Variants in VRK1 observed in about 807,000 individuals in gnomAD.
VRK1 encodes VRK serine/threonine kinase 1, also known as serine/threonine-protein kinase VRK1.
In VRK1, 33 loss-of-function variants were observed where a neutral mutation model predicts 57.1. That is an observed-to-expected ratio of 0.58 (90% CI 0.44 to 0.77). The LOEUF is 0.77. VRK1 is among the 30% of genes least tolerant of loss of function. VRK1 has a pLI of 0.00. For synonymous variants in VRK1, 137 were observed against 147.8 expected, an observed-to-expected ratio of 0.93 and a Z score of 0.53; for missense variants, 413 against 477.3, an observed-to-expected ratio of 0.87 and a Z score of 1.25.
At chr14:96,871,544 A>G (rs971980788) in intron 11 of VRK1, among the ~76,000 whole-genome samples, 2 of 152,238 alleles carry the variant, frequency 1.3e-5, no homozygotes, top group Non-Finnish European at 2.9e-5. Flanking sequence ...AGTTGCAGAA[A>G]TTAAACGTGT....
Position 96,881,589 on chromosome 14 carries a change from CTT to C in VRK1, c.*384_*385del, listed in dbSNP as rs1032502024. On this transcript the variant is annotated 3_prime_UTR_variant, in exon 13 of 13. Transcript: ENST00000216639. ...AATGCAAAGCTTAAAATAAAACTCTCTTTTGTTTGATGCAAACACACAGTATG... is the reference window on the plus strand; with the variant it reads ...AATGCAAAGCTTAAAATAAAACTCTCTTGTTTGATGCAAACACACAGTATG... The C allele has an allele frequency of 2.3e-5, 4 of 173,082 alleles. No homozygotes were observed. Among genetic ancestry groups the C allele is most frequent in the African/African-American group, 9.6e-5 (4 of 41,786 alleles). 10.7% of individuals were successfully genotyped at this position (173,082 alleles called of 1,614,324 possible).
At chr14:96,814,374 G>A (rs921262215) in intron 1 of VRK1, among the ~76,000 whole-genome samples, 3 of 152,128 alleles carry the variant, frequency 2.0e-5, no homozygotes, top group Non-Finnish European at 4.4e-5. Flanking sequence ...AGTTGACAGG[G>A]CTGACTGTGT....
intron 2 of VRK1, among the ~76,000 whole-genome samples, chr14:96,836,026 T>G (rs1000255980): frequency 6.6e-6 from 1 of 152,222 alleles, no homozygotes; most frequent in Non-Finnish European, 1.5e-5. Context: ...AAGTCCCTTC[T>G]TATACAACGT....
rs376222681 is a variant in VRK1 at position 96,799,576 on chromosome 14, A to G, written c.-6+2129A>G. On this transcript the variant is annotated intron_variant, in intron 1 of 12. Coordinates refer to ENST00000216639, the MANE Select transcript of VRK1 (RefSeq NM_003384.3). ...GAAGCGAAGCTTTAAGATTTACCTT[A>G]TATCAAATGAAGGATGTCTCCTGAA... Among the ~76,000 whole-genome samples, 84 of 152,380 alleles carry G rather than the reference A, an allele frequency of 5.5e-4. 1 individual carries two copies. In the Middle Eastern group the frequency reaches 0.01, roughly 19 times the overall value.
At chr14:96,828,372 G>A (rs1388142209) in intron 1 of VRK1, among the ~76,000 whole-genome samples, 2 of 152,160 alleles carry the variant, frequency 1.3e-5, no homozygotes, top group African/African-American at 4.8e-5. Context: ...TGTAGTGTCA[G>A]ACTTTTGCAG....
intron 5 of VRK1, among the ~76,000 whole-genome samples, chr14:96,848,820 A>G (rs948150711): frequency 1.3e-5 from 2 of 152,344 alleles, no homozygotes; most frequent in African/African-American, 2.4e-5. Flanking sequence ...GTATAAAGCT[A>G]CAAGAGTATA....
At chr14:96,867,456 AGTGTGTGT>A (rs34415863) in intron 11 of VRK1, among the ~76,000 whole-genome samples, 2,469 of 148,470 alleles carry the variant, frequency 0.017, 32 homozygotes, top group African/African-American at 0.04. Flanking sequence ...TCTGTGCACA[AGTGTGTGT>A]GTGTGTGTGT....
At chr14:96,801,210 A>G (rs1193353578) in intron 1 of VRK1, among the ~76,000 whole-genome samples, 1 of 152,202 alleles carries the variant, frequency 6.6e-6, no homozygotes, top group Non-Finnish European at 1.5e-5. Context: ...ATTGTCATTT[A>G]TATCTAAAAT....
At chr14:96,822,076 C>T (rs1371439763) in intron 1 of VRK1, among the ~76,000 whole-genome samples, 2 of 127,540 alleles carry the variant, frequency 1.6e-5, no homozygotes, top group African/African-American at 2.6e-5. Context: ...CTCCCTGTCC[C>T]TGCCTTTTTT....
At chr14:96,822,057 C>T (rs1214137708) in intron 1 of VRK1, among the ~76,000 whole-genome samples, 7 of 147,980 alleles carry the variant, frequency 4.7e-5, no homozygotes, top group Admixed American at 1.4e-4. Flanking sequence ...CATTCCCTCC[C>T]GCCCCCAACT....
intron 1 of VRK1, among the ~76,000 whole-genome samples, chr14:96,827,103 AGG>A (rs1886825658): frequency 6.7e-6 from 1 of 149,608 alleles, no homozygotes; most frequent in South Asian, 2.2e-4. Flanking sequence ...GTTGGCAGGC[AGG>A]GGCACTAGGG....
chr14:96,813,803 A>C (rs1886294559), intron 1 of VRK1, among the ~76,000 whole-genome samples: 1 of 152,142 alleles, frequency 6.6e-6, no homozygotes, highest in African/African-American at 2.4e-5. Flanking sequence ...ATTCTGCAGT[A>C]TGTGCTCTCT....
chr14:96,879,096 A>G (rs1566723581), intron 12 of VRK1, among the ~76,000 whole-genome samples: 4 of 151,914 alleles, frequency 2.6e-5, no homozygotes, highest in Non-Finnish European at 2.9e-5. Flanking sequence ...TTTTTTTCCT[A>G]CTGCATTATA....
intron 3 of VRK1, among the ~76,000 whole-genome samples, chr14:96,841,683 C>A (rs914235999): frequency 2.0e-5 from 3 of 151,770 alleles, no homozygotes; most frequent in Non-Finnish European, 4.4e-5. Context: ...CATGGTGAAA[C>A]CCCTAGCCAG....
intron 3 of VRK1, among the ~76,000 whole-genome samples, chr14:96,844,807 G>T (rs757777500): frequency 8.5e-5 from 13 of 152,200 alleles, no homozygotes; most frequent in Admixed American, 2.0e-4. Context: ...CTCCCAAAGT[G>T]CTGGGATGAC....
Position 96,840,886 on chromosome 14 carries a change from C to A in VRK1, c.216+3069C>A, listed in dbSNP as rs557003440. On this transcript the variant is annotated intron_variant, in intron 3 of 12. Coordinates refer to ENST00000216639, the MANE Select transcript of VRK1 (RefSeq NM_003384.3). ...TTTTTTTTTTTTTGAGACAGTGTCT[C>A]ATCCTGTTGCCTGGGCTGGAGTGCA... Among the ~76,000 whole-genome samples the A allele has an allele frequency of 2.7e-3, 398 of 148,422 alleles. 4 individuals carry two copies. The Middle Eastern group carries it at 0.043, about 16-fold the overall frequency.
chr14:96,852,899 G>C lies in VRK1; in HGVS notation c.443G>C (p.Arg148Thr). The change falls in exon 6 of 13, where the codon AGG (arginine) becomes ACG (threonine). Residue 148 changes from arginine (R) to threonine (T), a missense_variant. This residue lies in a region of VRK1 where 151 missense variants were observed against 225.5 expected (regional missense o/e 0.67). Coordinates refer to ENST00000216639, the MANE Select transcript of VRK1 (RefSeq NM_003384.3). ...LQKIYEANAKRFSRKTVLQLS... is the reference protein window; with the variant it reads ...LQKIYEANAKTFSRKTVLQLS... ...AAAATATATGAAGCAAATGCCAAAA[G>C]GTTTTCTCGGAAAACTGTCTTGCAG... The C allele has an allele frequency of 1.2e-6, 2 of 1,613,804 alleles. No individual in the cohort carries two copies. Among genetic ancestry groups the C allele is most frequent in the Non-Finnish European group, 1.7e-6 (2 of 1,179,844 alleles).
chr14:96,862,511 CTTTTTT>C (rs5810783), intron 11 of VRK1, among the ~76,000 whole-genome samples: 1 of 142,010 alleles, frequency 7.0e-6, no homozygotes, highest in Non-Finnish European at 1.5e-5. Flanking sequence ...ATTTTGTTAG[CTTTTTT>C]TTTTTTTGTA....
intron 1 of VRK1, among the ~76,000 whole-genome samples, chr14:96,804,189 A>T (rs377326055): frequency 1.3e-5 from 2 of 152,192 alleles, no homozygotes; most frequent in African/African-American, 4.8e-5. Context: ...ATTTTTGCAC[A>T]GGATGTGAGC....
Sources: gnomAD v4.1 joint callset for allele counts (sites outside exome capture counted in the v4.1 genomes callset) on GRCh38, gnomAD v4.1.1 for gene constraint, gnomAD v4.1.1 regional missense constraint, MANE v1.5 for transcripts, NCBI Gene and HGNC (gene_info 2026-07-23, HGNC 2026-07-21) for gene names.